PSIP1: variants seen among roughly 807,000 people sequenced by gnomAD.
PSIP1 encodes PC4 and SFRS1-interacting protein.
In PSIP1, 19 loss-of-function variants were observed where a neutral mutation model predicts 74.7. The observed-to-expected ratio is 0.25, with a 90% CI of 0.18 to 0.37. PSIP1 has a LOEUF of 0.37. Ranked by LOEUF, PSIP1 falls within the 10% of genes least tolerant of loss-of-function variation. PSIP1 has a pLI of 1.00. For synonymous variants in PSIP1, 222 were observed against 195.3 expected, an observed-to-expected ratio of 1.14 and a Z score of -1.14; for missense variants, 601 against 614.3, an observed-to-expected ratio of 0.98 and a Z score of 0.23.
intron 10 of PSIP1, chr9:15,470,584 A>C (rs1236057072): frequency 1.1e-6 from 1 of 944,192 alleles, no homozygotes; most frequent in African/African-American, 1.8e-5. Context: ...AGTTCAGGCC[A>C]TATTATGAAC....
chr9:15,478,488 T>C lies in PSIP1; in HGVS notation c.618A>G (p.Ser206=), dbSNP rs745515068. The part of the protein sequence containing the change: ...RPKMVKQPCP[S]ESDIITEEDK... ...AAAAATAAACTCACATGTCACTCTC[T>C]GAAGGACAGGGCTGTTTTACCATTT... The change falls in exon 8 of 16, where the codon TCA becomes TCG. Residue 206 remains serine (S), a synonymous_variant. Coordinates refer to ENST00000380733, the MANE Select transcript of PSIP1 (RefSeq NM_033222.5). The C allele has an allele frequency of 4.4e-6, 7 of 1,591,518 alleles. No individual in the cohort carries two copies. In the South Asian group the frequency reaches 6.6e-5, roughly 15 times the overall value.
At chr9:15,470,423 A>AT (rs2035774773) in intron 10 of PSIP1, among the ~76,000 whole-genome samples, 1 of 151,918 alleles carries the variant, frequency 6.6e-6, no homozygotes, top group Admixed American at 6.6e-5. Flanking sequence ...TAGACTTAAG[A>AT]TAACACTGTT....
chr9:15,479,506 C>A, intron 7 of PSIP1, 85 bp downstream of exon 7: 1 of 1,055,794 alleles, frequency 9.5e-7, no homozygotes, highest in Non-Finnish European at 1.4e-6. Context: ...TTGCTTCATT[C>A]CAAAATATTT....
intron 8 of PSIP1, among the ~76,000 whole-genome samples, chr9:15,477,900 G>A (rs2036160184): frequency 6.6e-6 from 1 of 151,936 alleles, no homozygotes; most frequent in Non-Finnish European, 1.5e-5. Flanking sequence ...CACTATGGAA[G>A]GATGAGGTGG....
At chr9:15,471,436 C>CTT in intron 10 of PSIP1, 1 of 1,444,164 alleles carries the variant, frequency 6.9e-7, no homozygotes, top group South Asian at 1.4e-5. Context: ...CTTTAAGATA[C>CTT]TAAAGAAGGG....
intron 3 of PSIP1, among the ~76,000 whole-genome samples, chr9:15,493,805 A>G (rs147004417): frequency 3.4e-4 from 52 of 152,302 alleles, no homozygotes; most frequent in African/African-American, 1.1e-3. Flanking sequence ...AATTGCCCCA[A>G]TCATTCAATT....
At chr9:15,510,031 GA>G in intron 2 of PSIP1, 85 bp downstream of exon 2, 1 of 1,361,236 alleles carries the variant, frequency 7.3e-7, no homozygotes, top group Non-Finnish European at 1.0e-6. Context: ...AGAAAGGACA[GA>G]AGAAAAAATA....
intron 8 of PSIP1, among the ~76,000 whole-genome samples, chr9:15,474,616 A>G (rs775190560): frequency 1.2e-4 from 19 of 152,298 alleles, no homozygotes; most frequent in Non-Finnish European, 2.1e-4. Context: ...TAGCCAATTA[A>G]GCATGTTTTC....
At chr9:15,469,442 T>C (rs941678027) in intron 11 of PSIP1, 106 bp from the exon 12 acceptor site, 3 of 645,772 alleles carry the variant, frequency 4.6e-6, no homozygotes, top group African/African-American at 3.7e-5. Context: ...AAAAATGTTC[T>C]TAGTAATCTT....
At chr9:15,488,828 T>G (rs368714485) in intron 4 of PSIP1, among the ~76,000 whole-genome samples, 1 of 151,880 alleles carries the variant, frequency 6.6e-6, no homozygotes. Context: ...GAGACCATCC[T>G]GGCTAACACG....
chr9:15,497,781 A>C (rs2037153034), intron 3 of PSIP1, among the ~76,000 whole-genome samples: 1 of 152,196 alleles, frequency 6.6e-6, no homozygotes. Flanking sequence ...TAAAGCTGTT[A>C]AAATTTTTTG....
chr9:15,488,594 G>A (rs954242809), intron 4 of PSIP1, among the ~76,000 whole-genome samples: 86 of 152,104 alleles, frequency 5.7e-4, no homozygotes, highest in African/African-American at 2.0e-3. Flanking sequence ...CAATTCAAGA[G>A]TGCAATCGAC....
At chr9:15,509,690 C>G (rs1265874554) in intron 2 of PSIP1, among the ~76,000 whole-genome samples, 1 of 152,148 alleles carries the variant, frequency 6.6e-6, no homozygotes, top group Non-Finnish European at 1.5e-5. Flanking sequence ...CCAATTTAAT[C>G]ACATACGCAC....
At position 15,471,487 on chromosome 9, in the gene PSIP1, AT is replaced by A. The variant is rs1320972480; in HGVS notation, c.977+1144del. 3 of 968,846 alleles carry A rather than the reference AT, an allele frequency of 3.1e-6. No individual in the cohort carries two copies. In the African/African-American group the frequency reaches 5.3e-5, roughly 17 times the overall value. The allele number at this position is 968,846 out of a possible 1,614,324, so 60.0% of individuals were successfully genotyped here. A position where few individuals can be genotyped will look rare whatever the true frequency, so the allele number is the denominator to read the frequency against. Reference sequence around the variant, plus strand: ...TAGTAACAACTAATTTTATATCTTAATTTTGAGATCACAATAAAGTCAAAAG... The same window carrying A: ...TAGTAACAACTAATTTTATATCTTAATTTGAGATCACAATAAAGTCAAAAG... On this transcript the variant is annotated intron_variant, in intron 10 of 15. Transcript: ENST00000380733.
chr9:15,471,882 T>C, intron 10 of PSIP1: 6 of 982,568 alleles, frequency 6.1e-6, no homozygotes, highest in African/African-American at 1.7e-5. Context: ...AAAAACAAAA[T>C]TTAGTCAGAA....
chr9:15,469,870 A>AAAG, intron 11 of PSIP1, 68 bp downstream of exon 11: 1 of 1,347,368 alleles, frequency 7.4e-7, no homozygotes. Flanking sequence ...CAATACATGA[A>AAAG]AAGTTATGTC....
In PSIP1 at chr9:15,500,288, A is replaced by T. The variant is rs186120395; in HGVS notation, c.149+6273T>A. Among the ~76,000 whole-genome samples, 1,520 of 152,116 alleles carry T rather than the reference A, an allele frequency of 1.0e-2. 19 individuals carry two copies. The highest frequency in any genetic ancestry group is 0.035 in the African/African-American group (1,441 of 41,498). ...AGACCATCCTGGCTATCACGGTGAA[A>T]CCCGGTCTCTACTAAAAACACAAAA... On this transcript the variant is annotated intron_variant, in intron 3 of 15. Transcript: ENST00000380733.
intron 3 of PSIP1, among the ~76,000 whole-genome samples, chr9:15,502,208 C>T (rs2037381658): frequency 6.6e-6 from 1 of 152,132 alleles, no homozygotes; most frequent in Admixed American, 6.5e-5. Flanking sequence ...ATCTCTAGAT[C>T]ACTTATAATA....
chr9:15,472,224 G>A, intron 10 of PSIP1: 2 of 988,942 alleles, frequency 2.0e-6, no homozygotes, highest in Non-Finnish European at 2.4e-6. Context: ...TACTTTTGCT[G>A]GTCTTTAGGG....
Sources: allele counts gnomAD v4.1 joint callset (sites outside exome capture counted in the v4.1 genomes callset), GRCh38; gene constraint gnomAD v4.1.1; transcripts MANE v1.5; gene names NCBI Gene and HGNC (gene_info 2026-07-23, HGNC 2026-07-21).